SOX6: variants seen among roughly 807,000 people sequenced by gnomAD.
SOX6 encodes SRY-box transcription factor 6, also known as transcription factor SOX-6.
Under a neutral mutation model 97.8 loss-of-function variants are expected in SOX6, and 11 were observed. The observed-to-expected ratio is 0.11, with a 90% CI of 0.07 to 0.19. The LOEUF is 0.19. Among genes scored for constraint, SOX6 ranks in the 10% least tolerant of loss-of-function variants. SOX6 has a pLI of 1.00. For missense variants in SOX6, 810 were observed against 1,039.5 expected (o/e 0.78, Z 3.04); for synonymous variants, 360 against 371.4 (o/e 0.97, Z 0.35).
intron 1 of SOX6, among the ~76,000 whole-genome samples, chr11:16,382,889 C>A (rs148617099): frequency 1.3e-5 from 2 of 151,564 alleles, no homozygotes; most frequent in Non-Finnish European, 3.0e-5. Context: ...AGCTCTTAAC[C>A]GCAACTTAAT....
chr11:16,377,329 T>A (rs1213713159), intron 1 of SOX6, among the ~76,000 whole-genome samples: 1 of 152,108 alleles, frequency 6.6e-6, no homozygotes. Flanking sequence ...ATATCTCAGT[T>A]CCCAGATATG....
intron 4 of SOX6, among the ~76,000 whole-genome samples, chr11:16,581,491 G>A (rs868667559): frequency 2.0e-5 from 3 of 152,260 alleles, no homozygotes; most frequent in South Asian, 2.1e-4. Flanking sequence ...AATAGTTAAT[G>A]CATGAAGGGC....
chr11:16,279,064 T>C (rs1185656412), intron 3 of SOX6, among the ~76,000 whole-genome samples: 2 of 152,102 alleles, frequency 1.3e-5, no homozygotes, highest in Non-Finnish European at 2.9e-5. Flanking sequence ...ACAACGAAAC[T>C]GCAGGACTCT....
chr11:16,226,753 T>C (rs554854774), intron 4 of SOX6, among the ~76,000 whole-genome samples: 12 of 152,266 alleles, frequency 7.9e-5, no homozygotes, highest in African/African-American at 2.9e-4. Context: ...CTGTCTCTCA[T>C]TCAGGTAAAG....
At chr11:16,595,045 C>A (rs1445245176) in intron 4 of SOX6, among the ~76,000 whole-genome samples, 1 of 152,144 alleles carries the variant, frequency 6.6e-6, no homozygotes, top group Non-Finnish European at 1.5e-5. Flanking sequence ...GGAAGATGTT[C>A]TTTAAATATG....
At chr11:16,648,911 T>C (rs991706633) in intron 3 of SOX6, among the ~76,000 whole-genome samples, 7 of 151,338 alleles carry the variant, frequency 4.6e-5, no homozygotes, top group African/African-American at 1.5e-4. Context: ...GAAATAGATA[T>C]CAAAAAGAAA....
intron 1 of SOX6, among the ~76,000 whole-genome samples, chr11:16,343,409 T>C (rs1428898445): frequency 1.3e-5 from 2 of 151,954 alleles, no homozygotes; most frequent in African/African-American, 2.4e-5. Context: ...CCAATAGCAA[T>C]GTCTATGATT....
intron 4 of SOX6, among the ~76,000 whole-genome samples, chr11:16,482,882 T>C (rs192014969): frequency 1.9e-4 from 29 of 152,296 alleles, no homozygotes; most frequent in African/African-American, 7.0e-4. Flanking sequence ...TTTTTGTTTG[T>C]TTGTTTGTTT....
Position 16,574,161 on chromosome 11 carries a change from G to A in SOX6, n.609+37920C>T, listed in dbSNP as rs1199767301. ...GTTAATTCTAAATTTATATGGAAAT[G>A]CAAAGGGCCAAGAAGTATCAAGACA... On this transcript the variant is annotated intron_variant and non_coding_transcript_variant, in intron 4 of 5. Transcript: ENST00000524520. Among the ~76,000 whole-genome samples the A allele has an allele frequency of 2.0e-5, 3 of 152,192 alleles. No homozygotes were observed. The East Asian group carries it at 5.8e-4, about 29-fold the overall frequency.
chr11:16,491,892 C>T (rs1044590944), intron 4 of SOX6, among the ~76,000 whole-genome samples: 4 of 152,072 alleles, frequency 2.6e-5, no homozygotes, highest in African/African-American at 7.2e-5. Flanking sequence ...CTAGAGATTC[C>T]GAACCTGCGA....
intron 4 of SOX6, among the ~76,000 whole-genome samples, chr11:16,600,828 C>A (rs1848259833): frequency 6.6e-6 from 1 of 152,128 alleles, no homozygotes; most frequent in Non-Finnish European, 1.5e-5. Context: ...ACAACGCTCA[C>A]CAAAACAATG....
chr11:16,270,390 G>T (rs1854215561), intron 3 of SOX6, among the ~76,000 whole-genome samples: 1 of 151,274 alleles, frequency 6.6e-6, no homozygotes. Flanking sequence ...CTCCTACATT[G>T]CGGGGGAGGC....
intron 3 of SOX6, among the ~76,000 whole-genome samples, chr11:16,673,113 T>G (rs1403409872): frequency 1.3e-5 from 2 of 151,974 alleles, no homozygotes; most frequent in Non-Finnish European, 2.9e-5. Flanking sequence ...ACAGTGAAAG[T>G]GAAAGCAGTA....
chr11:16,222,305 TG>T (rs1852563064), intron 4 of SOX6, among the ~76,000 whole-genome samples: 1 of 152,134 alleles, frequency 6.6e-6, no homozygotes, highest in South Asian at 2.1e-4. Context: ...CCTGAACCCC[TG>T]GGCTAAAACG....
chr11:16,614,022 T>A (rs1848436362), intron 3 of SOX6, among the ~76,000 whole-genome samples: 1 of 152,094 alleles, frequency 6.6e-6, no homozygotes, highest in African/African-American at 2.4e-5. Flanking sequence ...GAGCTAAAAC[T>A]TCCAACTAGC....
chr11:16,731,441 A>G (rs898042719), intron 2 of SOX6, among the ~76,000 whole-genome samples: 11 of 152,238 alleles, frequency 7.2e-5, no homozygotes, highest in Non-Finnish European at 1.5e-4. Context: ...CTGGTTCAAC[A>G]TACGCAAATC....
intron 3 of SOX6, among the ~76,000 whole-genome samples, chr11:16,678,877 G>A (rs910415788): frequency 1.3e-5 from 2 of 152,166 alleles, no homozygotes; most frequent in South Asian, 2.1e-4. Flanking sequence ...ATTGACCTGC[G>A]ATGCTGCAGA....
rs536086134 is a variant in SOX6, at chr11:16,488,654, A to T, written n.610-12266T>A. Among the ~76,000 whole-genome samples the T allele has an allele frequency of 1.6e-4, 25 of 152,318 alleles. No homozygotes were observed. The South Asian group carries it at 5.2e-3, about 32-fold the overall frequency. On this transcript the variant is annotated intron_variant and non_coding_transcript_variant, in intron 4 of 5. Transcript: ENST00000524520. ...ATCACACCTAACAAATAAACACTGT[A>T]GACCCACTAGGAGCTTAGTTGCACA...
At chr11:16,518,953 A>G (rs941601095) in intron 4 of SOX6, among the ~76,000 whole-genome samples, 2 of 152,184 alleles carry the variant, frequency 1.3e-5, no homozygotes, top group African/African-American at 4.8e-5. Context: ...TGGAAAGAAG[A>G]GTAAATTTGC....
Sources: gnomAD v4.1 joint callset for allele counts (sites outside exome capture counted in the v4.1 genomes callset) on GRCh38, gnomAD v4.1.1 for gene constraint, MANE v1.5 for transcripts, NCBI Gene and HGNC (gene_info 2026-07-23, HGNC 2026-07-21) for gene names.